Variants in KCNMA1 observed in about 807,000 individuals in gnomAD.
The protein encoded by KCNMA1 is potassium calcium-activated channel subfamily M alpha 1, also known as Calcium-activated potassium channel subunit alpha-1.
KCNMA1 carries 29 observed loss-of-function variants against 140.0 expected under a neutral mutation model. The observed-to-expected ratio is 0.21, with a 90% CI of 0.15 to 0.28. KCNMA1 has a LOEUF of 0.28. Among genes scored for constraint, KCNMA1 ranks in the 10% least tolerant of loss-of-function variants. KCNMA1 has a pLI of 1.00. For synonymous variants in KCNMA1, 612 were observed against 611.9 expected (o/e 1.00, Z 0.00); for missense variants, 880 against 1,602.2 (o/e 0.55, Z 7.70).
intron 26 of KCNMA1, among the ~76,000 whole-genome samples, chr10:76,890,494 G>C (rs1468695835): frequency 6.6e-6 from 1 of 152,124 alleles, no homozygotes; most frequent in Non-Finnish European, 1.5e-5. Flanking sequence ...GGTATAAAGA[G>C]CCACTAGCTA....
At position 77,114,739 on chromosome 10, in the gene KCNMA1, C is replaced by T. The variant is rs117789096; in HGVS notation, c.885-2297G>A. ...TCCAGCCATTCATTGGTAATTGATCCTACTGACTTAAGATGTCTTTTGTAA... is the reference window on the plus strand; with the variant it reads ...TCCAGCCATTCATTGGTAATTGATCTTACTGACTTAAGATGTCTTTTGTAA... On this transcript the variant is annotated intron_variant, in intron 6 of 27. Coordinates refer to ENST00000286628, the MANE Select transcript of KCNMA1 (RefSeq NM_001161352.2). Among the ~76,000 whole-genome samples the T allele has an allele frequency of 1.9e-4, 29 of 152,332 alleles. No homozygotes were observed. In the East Asian group the frequency reaches 5.4e-3, roughly 28 times the overall value.
At chr10:77,210,686 T>C (rs1193371600) in intron 3 of KCNMA1, among the ~76,000 whole-genome samples, 1 of 152,220 alleles carries the variant, frequency 6.6e-6, no homozygotes, top group Non-Finnish European at 1.5e-5. Flanking sequence ...TATAAAAGGC[T>C]GTTATAACTG....
At position 77,215,866 on chromosome 10, in the gene KCNMA1, T is replaced by TC. The variant is rs113468646; in HGVS notation, c.603-30951dup. The stretch of plus-strand genomic sequence containing the variant: ...TACCAGTGAGCAGTGAGCTTGCCCC[T>TC]CCCCCCCACCTGTCTCTCTCTCTCT... On this transcript the variant is annotated intron_variant, in intron 3 of 27. Coordinates refer to ENST00000286628, the MANE Select transcript of KCNMA1 (RefSeq NM_001161352.2). Among the ~76,000 whole-genome samples, 254 of 145,312 alleles carry TC rather than the reference T, an allele frequency of 1.7e-3. 3 individuals are homozygous for TC. The highest frequency in any genetic ancestry group is 6.0e-3 in the African/African-American group (234 of 38,838).
chr10:77,557,747 G>A (rs2065046272), intron 1 of KCNMA1, among the ~76,000 whole-genome samples: 1 of 151,280 alleles, frequency 6.6e-6, no homozygotes, highest in South Asian at 2.1e-4. Context: ...CCGCCTCCTG[G>A]GTTCAAGCAA....
intron 2 of KCNMA1, chr10:77,376,468 G>A (rs1043794584): frequency 6.6e-6 from 1 of 152,136 alleles, no homozygotes; most frequent in African/African-American, 2.4e-5. Context: ...TGGAGATAAA[G>A]GATGAAGGGT....
At chr10:77,613,321 C>T (rs376219544) in intron 1 of KCNMA1, among the ~76,000 whole-genome samples, 20 of 152,302 alleles carry the variant, frequency 1.3e-4, no homozygotes, top group Middle Eastern at 3.4e-3. Flanking sequence ...AAACTGTGGC[C>T]GACCAGGACT....
exon 28 of KCNMA1, chr10:76,869,688 G>A (rs985360158): frequency 6.6e-6 from 1 of 152,604 alleles, no homozygotes; most frequent in Non-Finnish European, 1.5e-5. Flanking sequence ...CTTTTTACAA[G>A]ACAAGAGAGT....
At chr10:77,516,873 G>A (rs1286059681) in intron 1 of KCNMA1, among the ~76,000 whole-genome samples, 1 of 152,186 alleles carries the variant, frequency 6.6e-6, no homozygotes, top group East Asian at 1.9e-4. Context: ...GGCCTCTCAT[G>A]CAGGCATGTG....
chr10:77,006,790 T>C (rs138167460), intron 18 of KCNMA1, among the ~76,000 whole-genome samples: 316 of 152,296 alleles, frequency 2.1e-3, no homozygotes, highest in African/African-American at 7.2e-3. Flanking sequence ...TTCAATTTAG[T>C]ATGCAGCTCT....
intron 23 of KCNMA1, among the ~76,000 whole-genome samples, chr10:76,920,488 A>T (rs907871504): frequency 6.6e-6 from 1 of 152,146 alleles, no homozygotes; most frequent in Non-Finnish European, 1.5e-5. Flanking sequence ...ACCCAGATAA[A>T]CAAGTCCCAG....
chr10:76,977,141 T>C (rs934063916), intron 19 of KCNMA1, among the ~76,000 whole-genome samples: 13 of 152,168 alleles, frequency 8.5e-5, no homozygotes, highest in Non-Finnish European at 1.3e-4. Context: ...ACCTGACTCC[T>C]TTAGGTTGCC....
intron 7 of KCNMA1, 62 bp downstream of exon 7, chr10:77,112,305 A>G: frequency 1.7e-6 from 2 of 1,178,966 alleles, no homozygotes; most frequent in Non-Finnish European, 2.5e-6. Context: ...AGGTAATAAA[A>G]TGACTCAGAG....
chr10:77,637,201 C>A, intron 1 of KCNMA1, 64 bp downstream of exon 1: 1 of 1,443,772 alleles, frequency 6.9e-7, no homozygotes. Context: ...AGGAGGTGGG[C>A]TGCAGGGGAC....
chr10:77,504,855 A>G (rs2045257562), intron 1 of KCNMA1, among the ~76,000 whole-genome samples: 1 of 152,186 alleles, frequency 6.6e-6, no homozygotes, highest in South Asian at 2.1e-4. Flanking sequence ...ATACAAAATA[A>G]TATTCATTCC....
intron 1 of KCNMA1, among the ~76,000 whole-genome samples, chr10:77,506,508 G>A (rs1319318270): frequency 6.6e-6 from 1 of 152,028 alleles, no homozygotes; most frequent in South Asian, 2.1e-4. Flanking sequence ...GAGAGAAAGA[G>A]AGAGAGAGAG....
chr10:77,245,175 G>A (rs1015308769), intron 3 of KCNMA1, among the ~76,000 whole-genome samples: 2 of 152,202 alleles, frequency 1.3e-5, no homozygotes, highest in African/African-American at 4.8e-5. Context: ...AAAAGGGCAT[G>A]AAGGCAGACA....
intron 23 of KCNMA1, among the ~76,000 whole-genome samples, chr10:76,937,434 G>C (rs2060852697): frequency 6.6e-6 from 1 of 152,202 alleles, no homozygotes; most frequent in African/African-American, 2.4e-5. Flanking sequence ...AGATGAAACA[G>C]TCACTGCTCA....
intron 1 of KCNMA1, among the ~76,000 whole-genome samples, chr10:77,621,964 C>T (rs542647283): frequency 1.3e-5 from 2 of 152,144 alleles, no homozygotes; most frequent in South Asian, 4.1e-4. Flanking sequence ...GATTCTGTGC[C>T]TCCACATACC....
chr10:77,492,860 T>C (rs1370312191), intron 1 of KCNMA1, among the ~76,000 whole-genome samples: 1 of 152,238 alleles, frequency 6.6e-6, no homozygotes, highest in African/African-American at 2.4e-5. Flanking sequence ...TATTAGTGCC[T>C]ACAATGTGTT....
Sources: gnomAD v4.1 joint callset for allele counts (sites outside exome capture counted in the v4.1 genomes callset) on GRCh38, gnomAD v4.1.1 for gene constraint, MANE v1.5 for transcripts, NCBI Gene and HGNC (gene_info 2026-07-23, HGNC 2026-07-21) for gene names.